Variants in CYB5R4 observed in about 807,000 individuals in gnomAD.
The protein encoded by CYB5R4 is N-terminal cytochrome b5 and cytochrome b5 oxidoreductase domain-containing protein.
A neutral mutation model predicts 70.2 loss-of-function variants in CYB5R4; 55 were observed. That is an observed-to-expected ratio of 0.78 (90% confidence interval 0.63 to 0.98). The LOEUF (loss-of-function observed/expected upper bound fraction) is 0.98. Among genes scored for constraint, CYB5R4 ranks in the 50% least tolerant of loss-of-function variants. The pLI is 0.00. For missense variants in CYB5R4, 562 were observed against 612.6 expected (o/e 0.92, Z 0.87); for synonymous variants, 197 against 199.5 (o/e 0.99, Z 0.11).
At chr6:83,920,112 A>C (rs983224180) in intron 7 of CYB5R4, among the ~76,000 whole-genome samples, 1 of 152,204 alleles carries the variant, frequency 6.6e-6, no homozygotes, top group African/African-American at 2.4e-5. Flanking sequence ...CTTACAGTCC[A>C]GCTGGAAAAT....
At chr6:83,909,167 A>AAAATCCAACTATT (rs2099464282) in intron 4 of CYB5R4, 77 bp downstream of exon 4, 1 of 1,165,994 alleles carries the variant, frequency 8.6e-7, no homozygotes, top group Admixed American at 1.9e-5. Context: ...TTAAACAACT[A>AAAATCCAACTATT]GGTCTATACA....
intron 3 of CYB5R4, among the ~76,000 whole-genome samples, chr6:83,906,296 A>G (rs888897057): frequency 5.3e-5 from 8 of 152,166 alleles, no homozygotes; most frequent in Admixed American, 3.9e-4. Context: ...GGCAGTAGCC[A>G]TGCTTCTCTT....
At chr6:83,925,033 A>G (rs2099467056) in intron 10 of CYB5R4, among the ~76,000 whole-genome samples, 1 of 152,184 alleles carries the variant, frequency 6.6e-6, no homozygotes, top group African/African-American at 2.4e-5. Context: ...CTCTTCTCAC[A>G]TGGCTATAAA....
chr6:83,859,923 C>G, intron 1 of CYB5R4, 66 bp downstream of exon 1: 1 of 1,445,732 alleles, frequency 6.9e-7, no homozygotes, highest in Non-Finnish European at 9.4e-7. Context: ...GTGTTCTCTT[C>G]TTCCGCCCCA....
intron 14 of CYB5R4, among the ~76,000 whole-genome samples, chr6:83,946,510 C>G (rs1396771233): frequency 1.3e-5 from 2 of 152,134 alleles, no homozygotes; most frequent in African/African-American, 2.4e-5. Flanking sequence ...AAAACTGGCA[C>G]AAGACAAGGA....
At chr6:83,872,222 T>A (rs980639075) in intron 2 of CYB5R4, among the ~76,000 whole-genome samples, 1 of 152,230 alleles carries the variant, frequency 6.6e-6, no homozygotes, top group Non-Finnish European at 1.5e-5. Flanking sequence ...CACATAATTC[T>A]CAGGTTTAAA....
rs1179308541 is a variant in CYB5R4 at position 83,964,864 on chromosome 6, C to G, written c.*4986C>G. On this transcript the variant is annotated 3_prime_UTR_variant, in exon 16 of 16. Transcript: ENST00000369681. ...GTGCCCTGTTTCCTAGCCACTCCGG[C>G]CATGGCTGAAAGGGGCCAACATGAA... 2.0e-5 allele frequency: 3 copies of G among 152,264 alleles called. No homozygotes were observed. The highest frequency in any genetic ancestry group is 4.8e-5 in the African/African-American group (2 of 41,452). 9.4% of individuals were successfully genotyped at this position (152,264 alleles called of 1,614,324 possible).
rs1158662366 is a variant in CYB5R4, at chr6:83,936,337, A to G, written c.1069A>G (p.Thr357Ala). 6.2e-7 allele frequency: 1 copy of G among 1,612,394 alleles called. No individual in the cohort carries two copies. Among genetic ancestry groups the G allele is most frequent in the African/African-American group, 1.3e-5 (1 of 74,748 alleles). Reference sequence around the variant, plus strand: ...CTACTTTTTGATAAAAATCTATCCCACTGGACTCTTCACACCAGAGCTTGA... The same window carrying G: ...CTACTTTTTGATAAAAATCTATCCCGCTGGACTCTTCACACCAGAGCTTGA... Reference protein sequence around the residue: ...YIYFLIKIYPTGLFTPELDRL... With the variant: ...YIYFLIKIYPAGLFTPELDRL... The change falls in exon 12 of 16, where the codon ACT (threonine) becomes GCT (alanine). Residue 357 changes from threonine to alanine, a missense_variant. Physicochemically the swap from Thr to Ala is moderately conservative, Grantham distance 58. Coordinates refer to ENST00000369681, the MANE Select transcript of CYB5R4 (RefSeq NM_016230.4).
rs775865653 is a variant in CYB5R4, at chr6:83,922,485, A to C, written c.691+15A>C. 2 of 1,608,994 alleles carry C rather than the reference A, an allele frequency of 1.2e-6. No homozygotes were observed. The highest frequency in any genetic ancestry group is 2.2e-5 in the South Asian group (2 of 90,876). Reference sequence around the variant, plus strand: ...AGATTTTTCTGGTAAGCTACCAAAAACCAAAAATTATGTATGTACGTACAT... The same window carrying C: ...AGATTTTTCTGGTAAGCTACCAAAACCCAAAAATTATGTATGTACGTACAT... On this transcript the variant is annotated intron_variant, in intron 9 of 15. Transcript: ENST00000369681.
intron 2 of CYB5R4, among the ~76,000 whole-genome samples, chr6:83,880,371 T>A: frequency 6.6e-6 from 1 of 152,122 alleles, no homozygotes; most frequent in East Asian, 1.9e-4. Flanking sequence ...GCCATCCAGG[T>A]GACTAACAGC....
At chr6:83,887,136 T>C (rs1053693091) in intron 2 of CYB5R4, among the ~76,000 whole-genome samples, 5 of 152,144 alleles carry the variant, frequency 3.3e-5, no homozygotes, top group African/African-American at 1.2e-4. Flanking sequence ...AAAAAGGCAA[T>C]ATTCGTTTTT....
chr6:83,863,255 G>A (rs2099456239), intron 1 of CYB5R4, among the ~76,000 whole-genome samples: 1 of 152,158 alleles, frequency 6.6e-6, no homozygotes, highest in South Asian at 2.1e-4. Flanking sequence ...TCGGCTTTGA[G>A]AGCCTCATAA....
At chr6:83,893,695 A>C (rs1439949147) in intron 3 of CYB5R4, 73 bp downstream of exon 3, 4 of 860,958 alleles carry the variant, frequency 4.6e-6, no homozygotes, top group Non-Finnish European at 7.3e-6. Flanking sequence ...ACATTTGTAG[A>C]AAGAAAGGAA....
At chr6:83,931,789 T>TTA (rs1256504810) in intron 10 of CYB5R4, among the ~76,000 whole-genome samples, 2,166 of 119,952 alleles carry the variant, frequency 0.018, 45 homozygotes, top group African/African-American at 0.079. Flanking sequence ...TCTTTTTTGT[T>TTA]TATATATATA....
chr6:83,947,945 T>C (rs1287147112), intron 14 of CYB5R4, among the ~76,000 whole-genome samples: 38 of 152,160 alleles, frequency 2.5e-4, no homozygotes, highest in Non-Finnish European at 4.6e-4. Context: ...GTTCAACCCT[T>C]GTGGAAGACA....
chr6:83,871,953 T>C (rs1289401898), intron 2 of CYB5R4, among the ~76,000 whole-genome samples: 3 of 152,166 alleles, frequency 2.0e-5, no homozygotes, highest in African/African-American at 7.2e-5. Context: ...TTGTATTTTC[T>C]CTGTTGCTTC....
chr6:83,882,003 A>T (rs1471709879), intron 2 of CYB5R4, among the ~76,000 whole-genome samples: 1 of 152,202 alleles, frequency 6.6e-6, no homozygotes, highest in Non-Finnish European at 1.5e-5. Context: ...AGTTTCAGTG[A>T]TTATAGCTGA....
At chr6:83,897,583 C>T (rs1184588535) in intron 3 of CYB5R4, among the ~76,000 whole-genome samples, 1 of 152,160 alleles carries the variant, frequency 6.6e-6, no homozygotes, top group Non-Finnish European at 1.5e-5. Flanking sequence ...TTAATGATGG[C>T]CATTCTAACT....
chr6:83,918,792 A>G (rs2129139579), intron 6 of CYB5R4, among the ~76,000 whole-genome samples: 1 of 152,146 alleles, frequency 6.6e-6, no homozygotes. Context: ...AGTCTATATT[A>G]TTCTAATATC....
Sources: gnomAD v4.1 joint callset for allele counts (sites outside exome capture counted in the v4.1 genomes callset) on GRCh38, gnomAD v4.1.1 for gene constraint, MANE v1.5 for transcripts, NCBI Gene and HGNC (gene_info 2026-07-23, HGNC 2026-07-21) for gene names.